Variants in NELL1 observed in about 807,000 individuals in gnomAD.
NELL1 encodes the protein neural EGFL like 1.
In NELL1, 76 loss-of-function variants were observed where a neutral mutation model predicts 107.4. The ratio of observed to expected loss-of-function variants is 0.71; its 90% CI spans 0.59 to 0.86. The LOEUF (loss-of-function observed/expected upper bound fraction) is 0.86. Among genes scored for constraint, NELL1 ranks in the 40% least tolerant of loss-of-function variants. NELL1 has a pLI of 0.00. For missense variants in NELL1, 1,024 were observed against 1,005.5 expected, an observed-to-expected ratio of 1.02 and a Z score of -0.25; for synonymous variants, 353 against 341.2, an observed-to-expected ratio of 1.03 and a Z score of -0.38.
intron 15 of NELL1, among the ~76,000 whole-genome samples, chr11:21,385,382 C>T (rs1050701290): frequency 5.9e-5 from 9 of 151,846 alleles, no homozygotes; most frequent in Admixed American, 3.3e-4. Context: ...TGTTATGATA[C>T]GTCTTGGGAA....
At chr11:21,421,098 A>G (rs1385298427) in intron 15 of NELL1, among the ~76,000 whole-genome samples, 3 of 152,212 alleles carry the variant, frequency 2.0e-5, no homozygotes, top group Non-Finnish European at 4.4e-5. Flanking sequence ...TGTATTTATG[A>G]AACAATAACA....
chr11:20,958,033 T>A (rs1414326262), intron 11 of NELL1, among the ~76,000 whole-genome samples: 2 of 152,230 alleles, frequency 1.3e-5, no homozygotes, highest in African/African-American at 4.8e-5. Flanking sequence ...GATTTCATCA[T>A]CTTTCAGATT....
At chr11:20,707,426 T>G (rs183867016) in intron 2 of NELL1, among the ~76,000 whole-genome samples, 2 of 152,382 alleles carry the variant, frequency 1.3e-5, no homozygotes, top group African/African-American at 4.8e-5. Context: ...GCTGCATTCC[T>G]TTGGAGGAGA....
chr11:20,697,001 G>C (rs190826915), intron 2 of NELL1, among the ~76,000 whole-genome samples: 1 of 152,244 alleles, frequency 6.6e-6, no homozygotes, highest in East Asian at 1.9e-4. Flanking sequence ...ATTGGTTTAA[G>C]AGTATGTTAC....
chr11:21,351,836 T>C (rs1850824172), intron 14 of NELL1, among the ~76,000 whole-genome samples: 1 of 152,190 alleles, frequency 6.6e-6, no homozygotes, highest in Admixed American at 6.6e-5. Flanking sequence ...GAGCGTCTAT[T>C]GAAACCTAAG....
intron 13 of NELL1, among the ~76,000 whole-genome samples, chr11:21,131,072 G>A (rs1015264542): frequency 0.067 from 2 of 30 alleles, no homozygotes; most frequent in Non-Finnish European, 0.12. Flanking sequence ...GCATGCTGAT[G>A]TGGTGGGGGG....
intron 15 of NELL1, among the ~76,000 whole-genome samples, chr11:21,400,277 TG>T (rs1852069718): frequency 6.6e-6 from 1 of 151,808 alleles, no homozygotes; most frequent in Non-Finnish European, 1.5e-5. Context: ...CTGTTGTTGT[TG>T]TTTGCATTCT....
intron 2 of NELL1, among the ~76,000 whole-genome samples, chr11:20,746,568 A>T (rs1590255092): frequency 4.4e-4 from 2 of 4,566 alleles, no homozygotes; most frequent in Non-Finnish European, 1.1e-3. Flanking sequence ...GACAGATTTC[A>T]CACACACACA....
chr11:21,465,035 G>C (rs1853992200), intron 15 of NELL1, among the ~76,000 whole-genome samples: 1 of 152,058 alleles, frequency 6.6e-6, no homozygotes, highest in African/African-American at 2.4e-5. Flanking sequence ...GCCTAGTAGA[G>C]AGTCTGATAC....
At chr11:20,776,980 A>C (rs928355244) in intron 2 of NELL1, among the ~76,000 whole-genome samples, 21 of 152,220 alleles carry the variant, frequency 1.4e-4, no homozygotes, top group Non-Finnish European at 2.4e-4. Flanking sequence ...GTACAAATAG[A>C]TTGTTCATTC....
intron 10 of NELL1, among the ~76,000 whole-genome samples, chr11:20,940,189 G>A (rs780655550): frequency 1.6e-4 from 24 of 150,960 alleles, no homozygotes; most frequent in Middle Eastern, 3.4e-3. Flanking sequence ...CCCTCCCTCC[G>A]TCCCTCTCTC....
At chr11:21,365,304 G>A (rs1226293369) in intron 14 of NELL1, among the ~76,000 whole-genome samples, 4 of 152,152 alleles carry the variant, frequency 2.6e-5, no homozygotes, top group African/African-American at 7.2e-5. Flanking sequence ...AGCCCTAAAC[G>A]GAGAAAGCTT....
At chr11:20,671,260 C>A (rs2133841989) in intron 1 of NELL1, 1 of 152,332 alleles carries the variant, frequency 6.6e-6, no homozygotes, top group Middle Eastern at 3.4e-3. Flanking sequence ...AAGGAGTGCG[C>A]GCACCCCAGG....
chr11:20,887,693 G>T (rs1190027993), intron 5 of NELL1, among the ~76,000 whole-genome samples: 1 of 152,102 alleles, frequency 6.6e-6, no homozygotes, highest in African/African-American at 2.4e-5. Flanking sequence ...GCACTTGAAG[G>T]GTTGCAGACT....
intron 13 of NELL1, among the ~76,000 whole-genome samples, chr11:21,199,125 A>G (rs568518869): frequency 6.6e-6 from 1 of 152,250 alleles, no homozygotes; most frequent in African/African-American, 2.4e-5. Flanking sequence ...TACAATTATC[A>G]TGATATATTT....
At chr11:20,708,881 G>A (rs1429137959) in intron 2 of NELL1, among the ~76,000 whole-genome samples, 1 of 152,054 alleles carries the variant, frequency 6.6e-6, no homozygotes, top group East Asian at 1.9e-4. Flanking sequence ...GACTGTGGTG[G>A]GGGCAGGCGA....
At chr11:20,813,645 C>G (rs1322841525) in intron 3 of NELL1, among the ~76,000 whole-genome samples, 1 of 152,172 alleles carries the variant, frequency 6.6e-6, no homozygotes, top group Admixed American at 6.5e-5. Flanking sequence ...TGCTCCTTAG[C>G]TATTTCCAGC....
intron 3 of NELL1, among the ~76,000 whole-genome samples, chr11:20,801,393 A>C (rs1269125690): frequency 6.6e-6 from 1 of 152,198 alleles, no homozygotes; most frequent in Non-Finnish European, 1.5e-5. Context: ...TTGCCCTTTC[A>C]GACCTTTTGC....
intron 13 of NELL1, among the ~76,000 whole-genome samples, chr11:21,229,107 G>A (rs1218147265): frequency 1.3e-5 from 2 of 152,052 alleles, no homozygotes; most frequent in African/African-American, 4.8e-5. Flanking sequence ...TGACGGACAG[G>A]AGTTGTTTGA....
Sources: gnomAD v4.1 joint callset for allele counts (sites outside exome capture counted in the v4.1 genomes callset) on GRCh38, gnomAD v4.1.1 for gene constraint, MANE v1.5 for transcripts, NCBI Gene and HGNC (gene_info 2026-07-23, HGNC 2026-07-21) for gene names.